Variants in CDH12 observed in about 807,000 individuals in gnomAD.
The protein encoded by CDH12 is cadherin 12.
Under a neutral mutation model 74.1 loss-of-function variants are expected in CDH12, and 41 were observed. The observed-to-expected ratio is 0.55, with a 90% CI of 0.43 to 0.72. The LOEUF is 0.72. CDH12 is among the 30% of genes least tolerant of loss of function. CDH12 has a pLI of 0.00. For synonymous variants in CDH12, 399 were observed against 355.0 expected, an observed-to-expected ratio of 1.12 and a Z score of -1.39; for missense variants, 945 against 977.2, an observed-to-expected ratio of 0.97 and a Z score of 0.44.
At chr5:22,745,390 C>A (rs1000890131) in intron 1 of CDH12, among the ~76,000 whole-genome samples, 3 of 151,914 alleles carry the variant, frequency 2.0e-5, no homozygotes, top group Non-Finnish European at 4.4e-5. Context: ...ATAGCAATAC[C>A]ATTTGACCCA....
rs141452157 is a variant in CDH12, at chr5:21,863,841, T to C, written c.527-9051A>G. ...TTCTTTGCAGAATAACATGAACGTT[T>C]CTCAGAACTGATGCATGTAACAAAA... On this transcript the variant is annotated intron_variant, in intron 6 of 14. Transcript: ENST00000382254. Among the ~76,000 whole-genome samples, 1,126 of 152,292 alleles carry C rather than the reference T, an allele frequency of 7.4e-3. 13 individuals carry two copies. Among genetic ancestry groups the C allele is most frequent in the African/African-American group, 0.026 (1,077 of 41,574 alleles).
chr5:22,159,149 A>G (rs1164441196), intron 4 of CDH12, among the ~76,000 whole-genome samples: 2 of 152,098 alleles, frequency 1.3e-5, no homozygotes, highest in Non-Finnish European at 2.9e-5. Flanking sequence ...AGACCTAGTA[A>G]AAAATCAGCT....
At chr5:22,328,219 T>A (rs2968266) in intron 3 of CDH12, among the ~76,000 whole-genome samples, 4,953 of 152,278 alleles carry the variant, frequency 0.033, 265 homozygotes, top group African/African-American at 0.11. Context: ...ATCAGTTTTT[T>A]AAAAAAATAT....
At chr5:22,442,624 G>A (rs992923001) in intron 2 of CDH12, among the ~76,000 whole-genome samples, 4 of 151,970 alleles carry the variant, frequency 2.6e-5, no homozygotes, top group African/African-American at 7.3e-5. Flanking sequence ...TTTTTATTCC[G>A]TTAATTTTGT....
At chr5:22,000,412 G>T (rs1321939706) in intron 5 of CDH12, among the ~76,000 whole-genome samples, 1 of 152,266 alleles carries the variant, frequency 6.6e-6, no homozygotes, top group Middle Eastern at 3.4e-3. Context: ...AATGATATCT[G>T]CAAGACCAAA....
intron 4 of CDH12, among the ~76,000 whole-genome samples, chr5:22,135,085 A>C (rs1289691890): frequency 6.6e-6 from 1 of 151,956 alleles, no homozygotes; most frequent in Non-Finnish European, 1.5e-5. Flanking sequence ...AAAAGAAAGT[A>C]GTGTCTTTAA....
rs567793981 is a variant in CDH12 at position 22,024,724 on chromosome 5, G to C, written c.232-49339C>G. Among the ~76,000 whole-genome samples the C allele has an allele frequency of 9.2e-5, 14 of 152,098 alleles. No homozygotes were observed. In the East Asian group the frequency reaches 2.7e-3, roughly 30 times the overall value. On this transcript the variant is annotated intron_variant, in intron 5 of 14. Transcript: ENST00000382254. ...AGACAATGTATTGCCATATTGGTCA[G>C]GTTGGTCTTGAACTCCTGACCTCAA... is the stretch of plus-strand genomic sequence containing the variant.
chr5:22,414,891 A>G (rs960149413), intron 2 of CDH12, among the ~76,000 whole-genome samples: 9 of 152,192 alleles, frequency 5.9e-5, no homozygotes, highest in African/African-American at 2.2e-4. Context: ...TGTTTTTAAT[A>G]CAACTAATAA....
At chr5:21,944,795 A>G (rs1285406268) in intron 6 of CDH12, among the ~76,000 whole-genome samples, 6 of 152,058 alleles carry the variant, frequency 3.9e-5, no homozygotes, top group Non-Finnish European at 8.8e-5. Flanking sequence ...AAACAAAGAT[A>G]TGTAACTCAG....
At chr5:21,925,604 A>C (rs577189244) in intron 6 of CDH12, among the ~76,000 whole-genome samples, 1 of 152,326 alleles carries the variant, frequency 6.6e-6, no homozygotes, top group African/African-American at 2.4e-5. Context: ...AAGTATTTTC[A>C]CTTATTTATT....
At chr5:22,292,598 C>A (rs1249990234) in intron 3 of CDH12, among the ~76,000 whole-genome samples, 1 of 150,372 alleles carries the variant, frequency 6.7e-6, no homozygotes, top group Non-Finnish European at 1.5e-5. Flanking sequence ...CAAAATTGGA[C>A]AAAGGACCTG....
chr5:22,820,579 A>C (rs1367667475), intron 1 of CDH12, among the ~76,000 whole-genome samples: 1 of 152,194 alleles, frequency 6.6e-6, no homozygotes, highest in Non-Finnish European at 1.5e-5. Flanking sequence ...AGAAATACAA[A>C]CTACCATCAG....
intron 1 of CDH12, among the ~76,000 whole-genome samples, chr5:22,838,405 C>T (rs1736927298): frequency 6.6e-6 from 1 of 152,102 alleles, no homozygotes; most frequent in African/African-American, 2.4e-5. Context: ...TCAGCCTCCA[C>T]CTTCCAGACT....
intron 6 of CDH12, among the ~76,000 whole-genome samples, chr5:21,885,614 T>G (rs1050525286): frequency 6.6e-6 from 1 of 152,214 alleles, no homozygotes; most frequent in Non-Finnish European, 1.5e-5. Flanking sequence ...ACTTGTGTAT[T>G]GATTTATATG....
chr5:22,461,525 T>C (rs1358843990), intron 2 of CDH12, among the ~76,000 whole-genome samples: 1 of 149,530 alleles, frequency 6.7e-6, no homozygotes. Context: ...GAAGTAAATA[T>C]CTAAGGGCTA....
chr5:22,623,772 T>A (rs1180087948), intron 1 of CDH12, among the ~76,000 whole-genome samples: 1 of 152,082 alleles, frequency 6.6e-6, no homozygotes, highest in East Asian at 1.9e-4. Context: ...ACCATACCCA[T>A]CAAGCTACCA....
chr5:21,816,864 T>C (rs1748080412), intron 9 of CDH12, 81 bp downstream of exon 9: 3 of 1,014,246 alleles, frequency 3.0e-6, no homozygotes, highest in Non-Finnish European at 4.2e-6. Context: ...AAATTAAAAT[T>C]ACTTGTCATT....
At chr5:22,155,913 A>C (rs2150314983) in intron 4 of CDH12, among the ~76,000 whole-genome samples, 1 of 152,150 alleles carries the variant, frequency 6.6e-6, no homozygotes, top group Non-Finnish European at 1.5e-5. Context: ...TTTTAATCTA[A>C]TAAAACCTAT....
chr5:21,893,582 C>G (rs1752988339), intron 6 of CDH12, among the ~76,000 whole-genome samples: 1 of 152,178 alleles, frequency 6.6e-6, no homozygotes, highest in African/African-American at 2.4e-5. Flanking sequence ...GTAGCACATT[C>G]AACTTTTTGA....
Sources: gnomAD v4.1 joint callset for allele counts (sites outside exome capture counted in the v4.1 genomes callset) on GRCh38, gnomAD v4.1.1 for gene constraint, MANE v1.5 for transcripts, NCBI Gene and HGNC (gene_info 2026-07-23, HGNC 2026-07-21) for gene names.